The following ATP6V1H variants were observed in gnomAD, a reference collection of about 807,000 sequenced individuals.
The protein encoded by ATP6V1H is V-type proton ATPase subunit H.
ATP6V1H carries 39 observed loss-of-function variants against 71.7 expected under a neutral mutation model. The ratio of observed to expected loss-of-function variants is 0.54; its 90% CI spans 0.42 to 0.71. The LOEUF is 0.71. Among genes scored for constraint, ATP6V1H ranks in the 30% least tolerant of loss-of-function variants. The pLI is 0.00. For synonymous variants in ATP6V1H, 192 were observed against 199.3 expected (o/e 0.96, Z 0.31); for missense variants, 509 against 594.9 (o/e 0.86, Z 1.50).
At chr8:53,747,744 T>C (rs572428365) in intron 12 of ATP6V1H, among the ~76,000 whole-genome samples, 1 of 151,948 alleles carries the variant, frequency 6.6e-6, no homozygotes, top group Non-Finnish European at 1.5e-5. Context: ...GGTTCCACCA[T>C]ACTGGCCAGG....
intron 9 of ATP6V1H, among the ~76,000 whole-genome samples, chr8:53,775,511 C>A (rs1415680890): frequency 6.6e-6 from 1 of 152,072 alleles, no homozygotes; most frequent in Non-Finnish European, 1.5e-5. Flanking sequence ...CAAAGGTTCT[C>A]CACGTCCCCA....
intron 12 of ATP6V1H, among the ~76,000 whole-genome samples, chr8:53,754,276 C>T (rs570702433): frequency 4.6e-5 from 7 of 152,208 alleles, no homozygotes; most frequent in Middle Eastern, 3.4e-3. Context: ...CAGTATCAAC[C>T]CCTCATTTCT....
intron 11 of ATP6V1H, among the ~76,000 whole-genome samples, chr8:53,766,395 A>C (rs1365177923): frequency 2.0e-5 from 3 of 152,240 alleles, no homozygotes; most frequent in Admixed American, 2.0e-4. Context: ...ATATCGTCTC[A>C]GGACCCTGTA....
At chr8:53,716,050 G>A (rs1477135627) in intron 13 of ATP6V1H, 26 bp from the exon 14 acceptor site, 1 of 1,584,144 alleles carries the variant, frequency 6.3e-7, no homozygotes. Flanking sequence ...GAAGTAAGGA[G>A]AATGAGAATT....
chr8:53,731,690 C>T (rs185528281), intron 13 of ATP6V1H, among the ~76,000 whole-genome samples: 5 of 152,374 alleles, frequency 3.3e-5, no homozygotes, highest in Admixed American at 1.3e-4. Context: ...AAAGCCACTT[C>T]CTTCTTTAAC....
rs868605807 is a variant in ATP6V1H at position 53,780,875 on chromosome 8, A to C, written c.871-8708T>G. On this transcript the variant is annotated intron_variant, in intron 9 of 13. Transcript: ENST00000359530. Reference sequence around the variant, plus strand: ...TCCCTACAAAGGACATGAACTCATCATTTTTTATGGCTGCAGAGTATTCCA... The same window carrying C: ...TCCCTACAAAGGACATGAACTCATCCTTTTTTATGGCTGCAGAGTATTCCA... 2.3e-3 allele frequency among the ~76,000 whole-genome samples: 349 copies of C among 152,248 alleles called. 1 individual carries two copies. The highest frequency in any genetic ancestry group is 7.8e-3 in the African/African-American group (325 of 41,532).
At chr8:53,792,884 C>G (rs1175748682) in intron 9 of ATP6V1H, among the ~76,000 whole-genome samples, 2 of 152,162 alleles carry the variant, frequency 1.3e-5, no homozygotes, top group African/African-American at 4.8e-5. Flanking sequence ...GTTTAAATCC[C>G]TGGTCTGCCA....
chr8:53,812,477 T>G (rs1810308903), intron 6 of ATP6V1H, among the ~76,000 whole-genome samples: 1 of 152,180 alleles, frequency 6.6e-6, no homozygotes, highest in Non-Finnish European at 1.5e-5. Context: ...ATTACAAGCA[T>G]AGTCAATCAT....
At chr8:53,779,659 C>CT (rs1809026840) in intron 9 of ATP6V1H, among the ~76,000 whole-genome samples, 1 of 151,940 alleles carries the variant, frequency 6.6e-6, no homozygotes, top group African/African-American at 2.4e-5. Flanking sequence ...CTGTTAACCT[C>CT]TTACTTATAA....
At chr8:53,726,658 T>G (rs1232346856) in intron 13 of ATP6V1H, among the ~76,000 whole-genome samples, 1 of 152,188 alleles carries the variant, frequency 6.6e-6, no homozygotes, top group Non-Finnish European at 1.5e-5. Context: ...GAGAAGTATC[T>G]CTAAACAGGA....
At chr8:53,823,007 A>G (rs1437632852) in intron 4 of ATP6V1H, among the ~76,000 whole-genome samples, 2 of 152,198 alleles carry the variant, frequency 1.3e-5, no homozygotes, top group Non-Finnish European at 2.9e-5. Context: ...AAGATATTAG[A>G]AAAGTAAAAA....
chr8:53,724,857 G>GA (rs201415994), intron 13 of ATP6V1H, among the ~76,000 whole-genome samples: 14,393 of 135,696 alleles, frequency 0.11, 1,104 homozygotes, highest in East Asian at 0.43. Flanking sequence ...TTGTCTGCAA[G>GA]AAAAAAAAAA....
In ATP6V1H at chr8:53,818,544, T is replaced by C. The variant is rs1810529272; in HGVS notation, c.307-1014A>G. ...TTTAGAATAACAATTGAAATAGTTGTGATAATGATTTTATCAAGGAATCCA... is the reference window on the plus strand; with the variant it reads ...TTTAGAATAACAATTGAAATAGTTGCGATAATGATTTTATCAAGGAATCCA... On this transcript the variant is annotated intron_variant, in intron 4 of 13. Coordinates refer to ENST00000359530, the MANE Select transcript of ATP6V1H (RefSeq NM_015941.4). 3.9e-5 allele frequency among the ~76,000 whole-genome samples: 6 copies of C among 152,200 alleles called. 1 individual carries two copies. Among genetic ancestry groups the C allele is most frequent in the Admixed American group, 3.9e-4 (6 of 15,282 alleles).
At chr8:53,783,987 G>A (rs1420812963) in intron 9 of ATP6V1H, among the ~76,000 whole-genome samples, 1 of 152,234 alleles carries the variant, frequency 6.6e-6, no homozygotes, top group African/African-American at 2.4e-5. Context: ...TGGAATAGGT[G>A]TGGTGTGGTG....
intron 9 of ATP6V1H, among the ~76,000 whole-genome samples, chr8:53,776,814 C>T (rs1289120466): frequency 4.0e-5 from 6 of 151,864 alleles, no homozygotes; most frequent in Non-Finnish European, 7.4e-5. Context: ...AAGAAAAAAA[C>T]GGTACCAATA....
At chr8:53,772,773 C>G (rs545654893) in intron 9 of ATP6V1H, among the ~76,000 whole-genome samples, 2 of 151,832 alleles carry the variant, frequency 1.3e-5, no homozygotes, top group Non-Finnish European at 2.9e-5. Flanking sequence ...TAACAATAAG[C>G]TGTCATGGAA....
chr8:53,819,404 T>C (rs2130487466), intron 4 of ATP6V1H, among the ~76,000 whole-genome samples: 1 of 149,966 alleles, frequency 6.7e-6, no homozygotes, highest in South Asian at 2.1e-4. Context: ...TGGCGGCATG[T>C]GCCTGTAGTC....
chr8:53,775,347 T>C (rs985542008), intron 9 of ATP6V1H, among the ~76,000 whole-genome samples: 19 of 152,184 alleles, frequency 1.2e-4, no homozygotes, highest in East Asian at 1.9e-4. Context: ...GCTCCCACAG[T>C]GTGGAAGGGG....
chr8:53,816,577 C>T (rs530613368), intron 5 of ATP6V1H, among the ~76,000 whole-genome samples: 19 of 152,222 alleles, frequency 1.2e-4, no homozygotes, highest in African/African-American at 4.3e-4. Context: ...GCAGGCAGAT[C>T]ACAAGGTCAG....
Sources: allele counts gnomAD v4.1 joint callset (sites outside exome capture counted in the v4.1 genomes callset), GRCh38; gene constraint gnomAD v4.1.1; transcripts MANE v1.5; gene names NCBI Gene and HGNC (gene_info 2026-07-23, HGNC 2026-07-21).